FXR1: variants seen among roughly 807,000 people sequenced by gnomAD.
FXR1 encodes RNA-binding protein FXR1.
Under a neutral mutation model 84.0 loss-of-function variants are expected in FXR1, and 15 were observed. The observed-to-expected ratio is 0.18, with a 90% CI of 0.12 to 0.27. The LOEUF (loss-of-function observed/expected upper bound fraction) is 0.27. FXR1 is among the 10% of genes least tolerant of loss of function. The probability of loss-of-function intolerance (pLI) is 1.00; values close to 1 mark genes in which losing one functional copy is unlikely to be tolerated. For synonymous variants in FXR1, 245 were observed against 250.7 expected (o/e 0.98, Z 0.21); for missense variants, 480 against 774.4 (o/e 0.62, Z 4.51).
chr3:180,934,187 C>A (rs906564277), intron 2 of FXR1, among the ~76,000 whole-genome samples: 1 of 152,100 alleles, frequency 6.6e-6, no homozygotes, highest in Non-Finnish European at 1.5e-5. Context: ...CTGGAATTGC[C>A]TGAAAAGATC....
chr3:180,961,461 T>TA lies in FXR1; in HGVS notation c.991-4dup. 7.0e-7 allele frequency: 1 copy of TA among 1,433,890 alleles called. No homozygotes were observed. Among genetic ancestry groups the TA allele is most frequent in the Non-Finnish European group, 9.7e-7 (1 of 1,027,502 alleles). The allele number at this position is 1,433,890 out of a possible 1,614,324, so 88.8% of individuals were successfully genotyped here. On this transcript the variant is annotated splice_region_variant and splice_polypyrimidine_tract_variant and intron_variant, in intron 10 of 16. Coordinates refer to ENST00000357559, the MANE Select transcript of FXR1 (RefSeq NM_005087.4). ...AACACTGAATACTTTTTTTTTTTTT[T>TA]AAACAGGGTATGGTTCCATTTGTAT...
intron 1 of FXR1, among the ~76,000 whole-genome samples, chr3:180,913,660 A>G (rs2108411984): frequency 6.6e-6 from 1 of 152,282 alleles, no homozygotes; most frequent in East Asian, 1.9e-4. Flanking sequence ...ATATCTGAAA[A>G]TGAAATCCTA....
At chr3:180,935,854 T>C (rs1720463263) in intron 3 of FXR1, among the ~76,000 whole-genome samples, 1 of 152,256 alleles carries the variant, frequency 6.6e-6, no homozygotes, top group South Asian at 2.1e-4. Context: ...ATTACAGGCG[T>C]GAGCCACCGT....
At chr3:180,925,208 A>G (rs964515442) in intron 1 of FXR1, among the ~76,000 whole-genome samples, 1 of 152,040 alleles carries the variant, frequency 6.6e-6, no homozygotes, top group African/African-American at 2.4e-5. Flanking sequence ...TACAAATAAA[A>G]AAGTTAGCCG....
Position 180,948,440 on chromosome 3 carries a change from A to G in FXR1, c.364A>G (p.Lys122Glu). 1.3e-6 allele frequency: 2 copies of G among 1,575,036 alleles called. No homozygotes were observed. Among genetic ancestry groups the G allele is most frequent in the Non-Finnish European group, 1.7e-6 (2 of 1,146,514 alleles). ...GCCTGTCAATCAAAATAAAACTGTC[A>G]AAAAAAATACCTTCTTTAAATGCAC... ...LRPVNQNKTV[K>E]KNTFFKCTVD... The change falls in exon 5 of 17, where the codon AAA (lysine) becomes GAA (glutamate). Residue 122 changes from lysine to glutamate, a missense_variant. Physicochemically the swap from Lys to Glu is moderately conservative, Grantham distance 56. This residue lies in a region of FXR1 where 136 missense variants were observed against 315.4 expected (regional missense o/e 0.43). Coordinates refer to ENST00000357559, the MANE Select transcript of FXR1 (RefSeq NM_005087.4).
chr3:180,937,602 T>C (rs1177245212), intron 3 of FXR1, among the ~76,000 whole-genome samples: 1 of 152,186 alleles, frequency 6.6e-6, no homozygotes, highest in Non-Finnish European at 1.5e-5. Flanking sequence ...GAAATTAAAA[T>C]GTGATTTTTT....
intron 1 of FXR1, chr3:180,927,504 T>C: frequency 1.9e-6 from 1 of 523,202 alleles, no homozygotes; most frequent in Non-Finnish European, 3.4e-6. Context: ...CATACCATGT[T>C]TCTTTCTGTT....
chr3:180,976,616 G>GT lies in FXR1; in HGVS notation c.*325dup, dbSNP rs1430789890. ...TGGTGGGTGGGGTGGGATCCCTAAC[G>GT]TAATATTCTTTATGAAAGCATTAGC... On this transcript the variant is annotated 3_prime_UTR_variant, in exon 17 of 17. Transcript: ENST00000357559. 1 of 167,148 alleles carries GT rather than the reference G, an allele frequency of 6.0e-6. No individual in the cohort carries two copies. The highest frequency in any genetic ancestry group is 1.3e-5 in the Non-Finnish European group (1 of 78,188). 10.4% of individuals were successfully genotyped at this position (167,148 alleles called of 1,614,324 possible). A position where few individuals can be genotyped will look rare whatever the true frequency, so the allele number is the denominator to read the frequency against.
intron 13 of FXR1, among the ~76,000 whole-genome samples, chr3:180,967,452 A>C (rs543386058): frequency 2.2e-4 from 34 of 152,298 alleles, no homozygotes; most frequent in African/African-American, 7.5e-4. Flanking sequence ...AATTTACTCA[A>C]ATATTGAAGT....
intron 3 of FXR1, among the ~76,000 whole-genome samples, chr3:180,946,380 A>C (rs570233081): frequency 1.3e-5 from 2 of 152,340 alleles, no homozygotes; most frequent in East Asian, 3.9e-4. Context: ...TAAGATCACT[A>C]GATTCTACCT....
chr3:180,933,300 ATC>A (rs1250405880), intron 1 of FXR1, 32 bp from the exon 2 acceptor site: 1 of 1,292,130 alleles, frequency 7.7e-7, no homozygotes, highest in East Asian at 2.3e-5. Flanking sequence ...GTGCTTTAAT[ATC>A]TATGCTTTTA....
At chr3:180,956,755 A>G (rs1214216831) in intron 9 of FXR1, among the ~76,000 whole-genome samples, 2 of 152,086 alleles carry the variant, frequency 1.3e-5, no homozygotes, top group African/African-American at 4.8e-5. Flanking sequence ...TTAATGGGGA[A>G]GGAGGCTTGA....
chr3:180,957,892 T>C lies in FXR1; in HGVS notation c.954T>C (p.Ile318=), dbSNP rs958720175. Residue 318 remains isoleucine, a synonymous_variant, in exon 10 of 17, where the codon ATT becomes ATC. Transcript: ENST00000357559. ...VDKSGVVRVR[I]EGDNENKLPR... The stretch of plus-strand genomic sequence containing the variant: ...AATCTGGTGTGGTTCGAGTGAGAAT[T>C]GAAGGGGACAATGAAAATAAATTAC... 13 of 1,573,670 alleles carry C rather than the reference T, an allele frequency of 8.3e-6. No homozygotes were observed. The highest frequency in any genetic ancestry group is 5.1e-5 in the Admixed American group (3 of 58,446).
rs912032648 is a variant in FXR1 at position 180,981,593 on chromosome 3, T to C, written c.*5301T>C. 2.1e-4 allele frequency: 32 copies of C among 152,060 alleles called. No individual in the cohort carries two copies. The highest frequency in any genetic ancestry group is 7.0e-4 in the African/African-American group (29 of 41,418). The allele number at this position is 152,060 out of a possible 1,614,324, so 9.4% of individuals were successfully genotyped here. ...AAGTGACTCACAAAAATCTCTGATA[T>C]TGAGGTCTAATGTGAAGGCTATAGA... is the stretch of plus-strand genomic sequence containing the variant. On this transcript the variant is annotated 3_prime_UTR_variant, in exon 17 of 17. Transcript: ENST00000357559.
intron 1 of FXR1, among the ~76,000 whole-genome samples, chr3:180,932,574 T>G (rs1490479673): frequency 6.6e-6 from 1 of 152,154 alleles, no homozygotes; most frequent in African/African-American, 2.4e-5. Context: ...CAAAGGAAGA[T>G]AGAATAAGAA....
intron 1 of FXR1, 45 bp downstream of exon 1, chr3:180,912,781 G>A (rs1280339078): frequency 8.1e-6 from 13 of 1,613,856 alleles, no homozygotes; most frequent in Non-Finnish European, 1.1e-5. Flanking sequence ...GGGTGCTGGA[G>A]CGCGTTTGAG....
At chr3:180,928,184 G>C (rs566244946) in intron 1 of FXR1, among the ~76,000 whole-genome samples, 1 of 145,214 alleles carries the variant, frequency 6.9e-6, no homozygotes, top group East Asian at 2.0e-4. Flanking sequence ...TTATTTAAAT[G>C]TTCCAATACC....
chr3:180,968,040 T>G lies in FXR1; in HGVS notation c.1199-11T>G. 6.3e-7 allele frequency: 1 copy of G among 1,577,192 alleles called. No homozygotes were observed. Among genetic ancestry groups the G allele is most frequent in the South Asian group, 1.1e-5 (1 of 90,288 alleles). On this transcript the variant is annotated splice_polypyrimidine_tract_variant and intron_variant, in intron 13 of 16. Coordinates refer to ENST00000357559, the MANE Select transcript of FXR1 (RefSeq NM_005087.4). ...GAAATCTAAGTGGTTTATGTTCTTT[T>G]CTTTTCCAAGGTACAAATTCTGAGC...
intron 1 of FXR1, chr3:180,915,291 G>C: frequency 1.9e-6 from 1 of 523,336 alleles, no homozygotes; most frequent in South Asian, 2.9e-5. Flanking sequence ...GGTGGTGTCA[G>C]CATTTATCAA....
Sources: gnomAD v4.1 joint callset for allele counts (sites outside exome capture counted in the v4.1 genomes callset) on GRCh38, gnomAD v4.1.1 for gene constraint, gnomAD v4.1.1 regional missense constraint, MANE v1.5 for transcripts, NCBI Gene and HGNC (gene_info 2026-07-23, HGNC 2026-07-21) for gene names.